Variants in FMN1 observed in about 807,000 individuals in gnomAD.
FMN1 encodes the protein formin 1, also known as formin-1.
In FMN1, 110 loss-of-function variants were observed where a neutral mutation model predicts 132.4. The ratio of observed to expected loss-of-function variants is 0.83; its 90% CI spans 0.71 to 0.97. The LOEUF (loss-of-function observed/expected upper bound fraction) is 0.97, where lower values mean the gene tolerates loss of function less well. FMN1 is among the 50% of genes least tolerant of loss of function. The pLI is 0.00. For synonymous variants in FMN1, 722 were observed against 651.7 expected (o/e 1.11, Z -1.64); for missense variants, 1,792 against 1,705.3 (o/e 1.05, Z -0.90).
intron 4 of FMN1, among the ~76,000 whole-genome samples, chr15:33,093,643 T>C (rs558634224): frequency 6.6e-6 from 1 of 152,302 alleles, no homozygotes; most frequent in East Asian, 1.9e-4. Context: ...AGGTGTGGTA[T>C]CTATCCACCC....
rs559234194 is a variant in FMN1 at position 33,115,711 on chromosome 15, T to TC, written c.1868-26738dup. On this transcript the variant is annotated intron_variant, in intron 4 of 20. Transcript: ENST00000616417. ...CTCTAAACCTGTTCTTCCTCACCCT[T>TC]CCTGCCTCTCATATCCCTAAACCTA... 2.6e-3 allele frequency among the ~76,000 whole-genome samples: 394 copies of TC among 152,274 alleles called. 2 individuals carry two copies. The highest frequency in any genetic ancestry group is 9.0e-3 in the African/African-American group (373 of 41,562).
intron 10 of FMN1, among the ~76,000 whole-genome samples, chr15:32,923,349 A>T (rs1193355656): frequency 6.6e-6 from 1 of 152,244 alleles, no homozygotes; most frequent in Non-Finnish European, 1.5e-5. Flanking sequence ...ATGAAATATA[A>T]CTGATACAGC....
At chr15:33,147,121 C>T (rs113110362) in intron 4 of FMN1, among the ~76,000 whole-genome samples, 2,140 of 149,534 alleles carry the variant, frequency 0.014, 52 homozygotes, top group African/African-American at 0.05. Flanking sequence ...GCCAAGATCA[C>T]GCCACTGTAC....
chr15:33,041,290 A>C (rs575568332), intron 6 of FMN1, among the ~76,000 whole-genome samples: 1 of 151,908 alleles, frequency 6.6e-6, no homozygotes, highest in Non-Finnish European at 1.5e-5. Context: ...CGTAACACCT[A>C]ACTGGAAAAT....
intron 6 of FMN1, among the ~76,000 whole-genome samples, chr15:33,010,209 A>G (rs2034636889): frequency 6.6e-6 from 1 of 152,178 alleles, no homozygotes; most frequent in Non-Finnish European, 1.5e-5. Flanking sequence ...CAGTCTCAGA[A>G]GGCCAACCAC....
chr15:33,127,518 A>G (rs1043139430), intron 4 of FMN1, among the ~76,000 whole-genome samples: 4 of 152,254 alleles, frequency 2.6e-5, no homozygotes, highest in African/African-American at 9.6e-5. Flanking sequence ...GTAACTTTCC[A>G]TTAAACTCAA....
At chr15:33,080,809 C>T (rs1412520971) in intron 5 of FMN1, among the ~76,000 whole-genome samples, 1 of 152,002 alleles carries the variant, frequency 6.6e-6, no homozygotes, top group African/African-American at 2.4e-5. Flanking sequence ...ATAGATTGAA[C>T]CCAAGAGGCG....
chr15:32,989,406 CA>C (rs1204980020), intron 7 of FMN1, among the ~76,000 whole-genome samples: 6 of 152,102 alleles, frequency 3.9e-5, no homozygotes, highest in African/African-American at 1.4e-4. Flanking sequence ...CCTTGCAGGG[CA>C]CAAAGAATTG....
chr15:33,168,054 A>T (rs545795036), intron 3 of FMN1, among the ~76,000 whole-genome samples: 1 of 152,316 alleles, frequency 6.6e-6, no homozygotes, highest in South Asian at 2.1e-4. Context: ...TAATTCTCAT[A>T]GTCCTATGAG....
intron 19 of FMN1, among the ~76,000 whole-genome samples, chr15:32,777,578 C>CGTATAACATATAACACTTTATATATTAT (rs2056474966): frequency 6.9e-6 from 1 of 144,658 alleles, no homozygotes; most frequent in African/African-American, 2.5e-5. Context: ...TTATATATTA[C>CGTATAACATATAACACTTTATATATTAT]GTATAACATA....
chr15:33,011,051 T>C (rs964056323), intron 6 of FMN1, among the ~76,000 whole-genome samples: 10 of 152,114 alleles, frequency 6.6e-5, no homozygotes, highest in Non-Finnish European at 1.2e-4. Context: ...CATTCTAAAA[T>C]GCATGTGGAA....
intron 7 of FMN1, among the ~76,000 whole-genome samples, chr15:32,996,197 C>T (rs58872813): frequency 0.014 from 2,075 of 152,196 alleles, 44 homozygotes; most frequent in African/African-American, 0.047. Flanking sequence ...ATTGTCACAC[C>T]CACTTTAAAG....
At position 32,771,792 on chromosome 15, in the gene FMN1, G is replaced by A. The variant is rs886562700; in HGVS notation, c.*2518C>T. The stretch of plus-strand genomic sequence containing the variant: ...AACACAAGCTCAACAGCATTTTAGA[G>A]GGATCATTTTCAAGGCCTCCAGATT... On this transcript the variant is annotated 3_prime_UTR_variant, in exon 21 of 21. Transcript: ENST00000616417. 2 of 152,216 alleles carry A rather than the reference G, an allele frequency of 1.3e-5. No individual in the cohort carries two copies. Among genetic ancestry groups the A allele is most frequent in the African/African-American group, 4.8e-5 (2 of 41,458 alleles). 9.4% of individuals were successfully genotyped at this position (152,216 alleles called of 1,614,324 possible). A position where few individuals can be genotyped will look rare whatever the true frequency, so the allele number is the denominator to read the frequency against.
At chr15:33,081,440 C>T (rs1327737077) in intron 5 of FMN1, among the ~76,000 whole-genome samples, 1 of 151,998 alleles carries the variant, frequency 6.6e-6, no homozygotes, top group Non-Finnish European at 1.5e-5. Context: ...TTGAAAGACC[C>T]AGGATACCTG....
rs889525249 is a variant in FMN1 at position 32,768,578 on chromosome 15, T to C, written c.*5732A>G. On this transcript the variant is annotated 3_prime_UTR_variant, in exon 21 of 21. Coordinates refer to ENST00000616417, the MANE Select transcript of FMN1 (RefSeq NM_001277313.2). The stretch of plus-strand genomic sequence containing the variant: ...AGAATTTAGGAAAATGTTCAGCCTA[T>C]GTGAGAGCTATAGTGTGGTAGAGGT... The C allele has an allele frequency of 7.9e-5, 12 of 152,334 alleles. No homozygotes were observed. The highest frequency in any genetic ancestry group is 2.9e-4 in the African/African-American group (12 of 41,570). 9.4% of individuals were successfully genotyped at this position (152,334 alleles called of 1,614,324 possible).
At position 33,065,026 on chromosome 15, in the gene FMN1, G is replaced by C; in HGVS notation, c.2092C>G (p.Gln698Glu). The C allele has an allele frequency of 1.2e-6, 2 of 1,611,934 alleles. No individual in the cohort carries two copies. The highest frequency in any genetic ancestry group is 1.7e-6 in the Non-Finnish European group (2 of 1,179,018). The stretch of plus-strand genomic sequence containing the variant: ...GTCTTTGGGGGTGGCCAGACAGCTT[G>C]AAGTCTGCCAGGAGTCCTGTCATCC... ...EQDDRTPGRL[Q>E]AVWPPPKTKD... The change falls in exon 6 of 21, where the codon CAA (glutamine) becomes GAA (glutamate). Residue 698 changes from glutamine to glutamate, a missense_variant. By Grantham distance (29) the Gln-to-Glu change is conservative (BLOSUM62 2). Transcript: ENST00000616417.
intron 17 of FMN1, among the ~76,000 whole-genome samples, chr15:32,843,085 C>G (rs1201005364): frequency 6.6e-6 from 1 of 150,806 alleles, no homozygotes; most frequent in East Asian, 1.9e-4. Flanking sequence ...CGAGATCACA[C>G]CATTGCACTC....
intron 16 of FMN1, among the ~76,000 whole-genome samples, chr15:32,885,919 C>T (rs1382174433): frequency 6.6e-6 from 1 of 152,022 alleles, no homozygotes; most frequent in Non-Finnish European, 1.5e-5. Context: ...ATTTTGCCAG[C>T]AGCTACGACA....
Position 32,937,496 on chromosome 15 carries a change from G to A in FMN1, c.3139-11235C>T, listed in dbSNP as rs527820274. 4.1e-4 allele frequency among the ~76,000 whole-genome samples: 63 copies of A among 152,264 alleles called. 1 individual carries two copies. The highest frequency in any genetic ancestry group is 2.1e-3 in the South Asian group (10 of 4,820). On this transcript the variant is annotated intron_variant, in intron 9 of 20. Transcript: ENST00000616417. The stretch of plus-strand genomic sequence containing the variant: ...GAACTGGCCCGTGTATTATTAAATT[G>A]GCATCTCCATGGGGCAACAAGGATC...
Sources: allele counts gnomAD v4.1 joint callset (sites outside exome capture counted in the v4.1 genomes callset), GRCh38; gene constraint gnomAD v4.1.1; transcripts MANE v1.5; gene names NCBI Gene and HGNC (gene_info 2026-07-23, HGNC 2026-07-21).